Variants in SF3B3 observed in about 807,000 individuals in gnomAD.
SF3B3 encodes splicing factor 3b subunit 3.
Under a neutral mutation model 139.2 loss-of-function variants are expected in SF3B3, and 33 were observed. That is an observed-to-expected ratio of 0.24 (90% CI 0.18 to 0.32). The LOEUF is 0.32. Among genes scored for constraint, SF3B3 ranks in the 10% least tolerant of loss-of-function variants. The pLI is 1.00. For synonymous variants in SF3B3, 596 were observed against 563.6 expected, an observed-to-expected ratio of 1.06 and a Z score of -0.81; for missense variants, 818 against 1,509.4, an observed-to-expected ratio of 0.54 and a Z score of 7.59.
In SF3B3 at chr16:70,560,608, G is replaced by T; in HGVS notation, c.2133+17G>T. The T allele has an allele frequency of 6.2e-7, 1 of 1,612,052 alleles. No homozygotes were observed. ...CAGGAGGCAGTAAGTAATGAAGGTT[G>T]GGGACAGGCAACATCTTTGGGATTT... On this transcript the variant is annotated intron_variant, in intron 16 of 25. Transcript: ENST00000302516.
rs2050557183 is a variant in SF3B3, at chr16:70,574,327, A to T, written c.*2514A>T. The T allele has an allele frequency of 1.3e-5, 2 of 152,004 alleles. No homozygotes were observed. Among genetic ancestry groups the T allele is most frequent in the Admixed American group, 6.6e-5 (1 of 15,252 alleles). The allele number at this position is 152,004 out of a possible 1,614,324, so 9.4% of individuals were successfully genotyped here. ...GCCTCCAGAGTAGGGGAGACTACAG[A>T]TGTGTGCCACCATACTCAGCTAATT... On this transcript the variant is annotated 3_prime_UTR_variant, in exon 26 of 26. Transcript: ENST00000302516.
intron 3 of SF3B3, among the ~76,000 whole-genome samples, chr16:70,530,120 C>T (rs1028934501): frequency 8.5e-5 from 11 of 129,630 alleles, no homozygotes; most frequent in Non-Finnish European, 1.6e-4. Flanking sequence ...AGTGAGACTG[C>T]ATCTCAAAAA....
In SF3B3 at chr16:70,571,940, C is replaced by A; in HGVS notation, c.*127C>A. 8.7e-7 allele frequency: 1 copy of A among 1,149,570 alleles called. No homozygotes were observed. The highest frequency in any genetic ancestry group is 1.5e-5 in the South Asian group (1 of 68,302). The allele number at this position is 1,149,570 out of a possible 1,614,324, so 71.2% of individuals were successfully genotyped here. On this transcript the variant is annotated 3_prime_UTR_variant, in exon 26 of 26. Coordinates refer to ENST00000302516, the MANE Select transcript of SF3B3 (RefSeq NM_012426.5). The stretch of plus-strand genomic sequence containing the variant: ...ATAATTAAGACTGCATTATGAAAGT[C>A]AACAGCTCTTTCCCCTCAGCTCTTC...
chr16:70,547,516 C>T (rs924936912), intron 10 of SF3B3, among the ~76,000 whole-genome samples: 1 of 152,292 alleles, frequency 6.6e-6, no homozygotes, highest in Non-Finnish European at 1.5e-5. Flanking sequence ...TGTAGAGAAT[C>T]ATTCACTCTT....
intron 22 of SF3B3, 35 bp downstream of exon 22, chr16:70,568,530 G>A (rs773787123): frequency 3.2e-6 from 5 of 1,544,454 alleles, no homozygotes; most frequent in Non-Finnish European, 4.5e-6. Flanking sequence ...TTACAGTGAT[G>A]TGTAGGAAAG....
chr16:70,567,446 A>G lies in SF3B3; in HGVS notation c.2862A>G (p.Pro954=), dbSNP rs1337587352. Residue 954 remains proline (P), a synonymous_variant, in exon 21 of 26, where the codon CCA becomes CCG. Coordinates refer to ENST00000302516, the MANE Select transcript of SF3B3 (RefSeq NM_012426.5). ...AAGAGGTCCCTGCTGCTATTGCCCC[A>G]TTCCAGGGGAGGGTGTTGATTGGTG... is the stretch of plus-strand genomic sequence containing the variant. ...PVEEVPAAIA[P]FQGRVLIGVG... 2 of 1,613,992 alleles carry G rather than the reference A, an allele frequency of 1.2e-6. No individual in the cohort carries two copies. The highest frequency in any genetic ancestry group is 1.7e-6 in the Non-Finnish European group (2 of 1,179,950).
At chr16:70,544,296 C>T in intron 9 of SF3B3, 142 bp from the exon 10 acceptor site, 1 of 607,826 alleles carries the variant, frequency 1.6e-6, no homozygotes, top group Non-Finnish European at 3.0e-6. Flanking sequence ...AACTACAATA[C>T]AGATCATTCA....
chr16:70,570,271 G>C, intron 24 of SF3B3, 122 bp downstream of exon 24: 1 of 955,032 alleles, frequency 1.0e-6, no homozygotes, highest in Admixed American at 2.6e-5. Context: ...GAATTATAAA[G>C]TGACAGAAGT....
chr16:70,573,624 A>G lies in SF3B3; in HGVS notation c.*1811A>G, dbSNP rs1371357181. On this transcript the variant is annotated 3_prime_UTR_variant, in exon 26 of 26. Transcript: ENST00000302516. ...GCAGGACCTACAAAAGTTTAAAATT[A>G]GATTGGATGTGACTCAATGACAAGT... is the stretch of plus-strand genomic sequence containing the variant. The G allele has an allele frequency of 2.0e-5, 3 of 152,210 alleles. No homozygotes were observed. Among genetic ancestry groups the G allele is most frequent in the African/African-American group, 7.2e-5 (3 of 41,448 alleles). The allele number at this position is 152,210 out of a possible 1,614,324, so 9.4% of individuals were successfully genotyped here.
At position 70,570,017 on chromosome 16, in the gene SF3B3, C is replaced by T; in HGVS notation, c.3276C>T (p.Ile1092=). Residue 1092 remains isoleucine (I), a synonymous_variant, in exon 24 of 26, where the codon ATC becomes ATT. Transcript: ENST00000302516. ...TTTGTGACTCACAGGCAGAGGTGAT[C>T]ATGAACTACCATGTCGGGGAGACGG... ...LNGASQKAEV[I]MNYHVGETVL... 6.2e-7 allele frequency: 1 copy of T among 1,614,060 alleles called. No homozygotes were observed. The highest frequency in any genetic ancestry group is 8.5e-7 in the Non-Finnish European group (1 of 1,179,962).
rs2050555893 is a variant in SF3B3 at position 70,574,207 on chromosome 16, T to C, written c.*2394T>C. 6.6e-6 allele frequency: 1 copy of C among 152,202 alleles called. No individual in the cohort carries two copies. Among genetic ancestry groups the C allele is most frequent in the Non-Finnish European group, 1.5e-5 (1 of 68,038 alleles). 9.4% of individuals were successfully genotyped at this position (152,202 alleles called of 1,614,324 possible). A position where few individuals can be genotyped will look rare whatever the true frequency, so the allele number is the denominator to read the frequency against. On this transcript the variant is annotated 3_prime_UTR_variant, in exon 26 of 26. Coordinates refer to ENST00000302516, the MANE Select transcript of SF3B3 (RefSeq NM_012426.5). ...TTTAATTTTTTAAAAAAAATTTTAT[T>C]AGAGACAGTCTCTCTCTCTTGCCTA...
Position 70,523,916 on chromosome 16 carries a change from T to C in SF3B3, c.-83T>C. On this transcript the variant is annotated 5_prime_UTR_variant, in exon 1 of 26. Transcript: ENST00000302516. ...CATCCGTTGGATATCCACACCATCC[T>C]TCTCGCTGCAGGGTAAAAAAACAGC... 4 of 460,628 alleles carry C rather than the reference T, an allele frequency of 8.7e-6. No individual in the cohort carries two copies. Among genetic ancestry groups the C allele is most frequent in the Non-Finnish European group, 1.5e-5 (4 of 261,856 alleles). 28.5% of individuals were successfully genotyped at this position (460,628 alleles called of 1,614,324 possible). A position where few individuals can be genotyped will look rare whatever the true frequency, so the allele number is the denominator to read the frequency against.
chr16:70,544,508 TGA>T lies in SF3B3; in HGVS notation c.1308_1309del (p.Arg436SerfsTer7). On this transcript the variant is annotated frameshift_variant, in exon 10 of 26. Transcript: ENST00000302516. LOFTEE classifies it high-confidence loss of function. ...TGTGGTAGGGGACCCCGATCATCTC[TGA>T]GAGTCCTAAGACATGGACTTGAGGT... 1 of 1,609,498 alleles carries T rather than the reference TGA, an allele frequency of 6.2e-7. No individual in the cohort carries two copies. The highest frequency in any genetic ancestry group is 8.5e-7 in the Non-Finnish European group (1 of 1,175,786).
chr16:70,571,297 A>G lies in SF3B3; in HGVS notation c.3513+98A>G, dbSNP rs544623571. ...TAGTACCAGGGAGGGTGCTCCCCTC[A>G]GGGCAGACCACAGCCAGAGCAAAGG... On this transcript the variant is annotated intron_variant, in intron 25 of 25. Coordinates refer to ENST00000302516, the MANE Select transcript of SF3B3 (RefSeq NM_012426.5). 8.0e-5 allele frequency: 68 copies of G among 851,538 alleles called. No individual in the cohort carries two copies. The African/African-American group carries it at 9.5e-4, about 12-fold the overall frequency. The allele number at this position is 851,538 out of a possible 1,614,324, so 52.7% of individuals were successfully genotyped here.
At position 70,574,918 on chromosome 16, in the gene SF3B3, T is replaced by C. The variant is rs1423907186; in HGVS notation, c.*3105T>C. ...CCTTAAAATTAATTTTCAAGGGCTA[T>C]ATGTAGAGCTCAGAAGAAACATCTC... On this transcript the variant is annotated 3_prime_UTR_variant, in exon 26 of 26. Coordinates refer to ENST00000302516, the MANE Select transcript of SF3B3 (RefSeq NM_012426.5). 6.6e-6 allele frequency: 1 copy of C among 152,254 alleles called. No homozygotes were observed. Among genetic ancestry groups the C allele is most frequent in the African/African-American group, 2.4e-5 (1 of 41,462 alleles). 9.4% of individuals were successfully genotyped at this position (152,254 alleles called of 1,614,324 possible).
At chr16:70,563,055 G>A (rs1354293885) in intron 17 of SF3B3, among the ~76,000 whole-genome samples, 1 of 152,002 alleles carries the variant, frequency 6.6e-6, no homozygotes, top group East Asian at 1.9e-4. Flanking sequence ...CTGGTCTTGA[G>A]CTCCTGGGCT....
At position 70,561,173 on chromosome 16, in the gene SF3B3, A is replaced by G. The variant is rs139392303; in HGVS notation, c.2134-457A>G. ...TTAGCTGGGATTACAGGCGCATGCC[A>G]CCACGCCCAGCTAATTTTTGTATTT... is the stretch of plus-strand genomic sequence containing the variant. On this transcript the variant is annotated intron_variant, in intron 16 of 25. Transcript: ENST00000302516. Among the ~76,000 whole-genome samples, 528 of 152,276 alleles carry G rather than the reference A, an allele frequency of 3.5e-3. 8 individuals are homozygous for G. Among genetic ancestry groups the G allele is most frequent in the African/African-American group, 0.012 (492 of 41,552 alleles).
rs1419932367 is a variant in SF3B3 at position 70,574,801 on chromosome 16, C to A, written c.*2988C>A. The A allele has an allele frequency of 6.6e-6, 1 of 152,136 alleles. No homozygotes were observed. The highest frequency in any genetic ancestry group is 6.5e-5 in the Admixed American group (1 of 15,270). The allele number at this position is 152,136 out of a possible 1,614,324, so 9.4% of individuals were successfully genotyped here. On this transcript the variant is annotated 3_prime_UTR_variant, in exon 26 of 26. Coordinates refer to ENST00000302516, the MANE Select transcript of SF3B3 (RefSeq NM_012426.5). ...AGCCACCATGCCCAGCCTCTAAATT[C>A]TGTTTTCTATTCAAAGTAAAAATGA...
intron 10 of SF3B3, among the ~76,000 whole-genome samples, 192 bp downstream of exon 10, chr16:70,544,725 G>C (rs1054551512): frequency 6.6e-6 from 1 of 152,216 alleles, no homozygotes; most frequent in African/African-American, 2.4e-5. Context: ...GGGTCTCACT[G>C]TGTTGCCCAG....
Sources: gnomAD v4.1 joint callset for allele counts (sites outside exome capture counted in the v4.1 genomes callset) on GRCh38, gnomAD v4.1.1 for gene constraint, MANE v1.5 for transcripts, NCBI Gene and HGNC (gene_info 2026-07-23, HGNC 2026-07-21) for gene names.